The following POLI variants were observed in gnomAD, a reference collection of about 807,000 sequenced individuals.
POLI encodes RAD30 homolog B.
A neutral mutation model predicts 51.6 loss-of-function variants in POLI; 58 were observed. The observed-to-expected ratio is 1.12, with a 90% CI of 0.91 to 1.40. The LOEUF (loss-of-function observed/expected upper bound fraction) is 1.40. Among genes scored for constraint, POLI ranks in the 40% most tolerant of loss-of-function variants. The pLI is 0.00. For synonymous variants in POLI, 322 were observed against 299.7 expected (o/e 1.07, Z -0.77); for missense variants, 921 against 871.3 (o/e 1.06, Z -0.72).
In POLI at chr18:54,297,882, T is replaced by C; in HGVS notation, c.*3415T>C. On this transcript the variant is annotated 3_prime_UTR_variant, in exon 10 of 10. Coordinates refer to ENST00000579534, the MANE Select transcript of POLI (RefSeq NM_007195.3). ...GGACATGGTGGGGGCTTACCTTTTT[T>C]CTTGTGTGTCAGATGTTCCTTCTAG... The C allele has an allele frequency of 1.0e-6, 1 of 982,600 alleles. No individual in the cohort carries two copies. The highest frequency in any genetic ancestry group is 1.2e-6 in the Non-Finnish European group (1 of 827,280). 60.9% of individuals were successfully genotyped at this position (982,600 alleles called of 1,614,324 possible).
At chr18:54,305,555 C>T (rs1261923201) in intron 3 of POLI, among the ~76,000 whole-genome samples, 1 of 118,220 alleles carries the variant, frequency 8.5e-6, no homozygotes, top group Non-Finnish European at 2.0e-5. Context: ...ATTTGACTCT[C>T]TGTTTGTCTG....
chr18:54,269,623 T>G lies in POLI; in HGVS notation c.77T>G (p.Met26Arg), dbSNP rs760519303. 75 of 1,510,104 alleles carry G rather than the reference T, an allele frequency of 5.0e-5. No homozygotes were observed. The highest frequency in any genetic ancestry group is 6.6e-5 in the Non-Finnish European group (75 of 1,131,958). 93.5% of individuals were successfully genotyped at this position (1,510,104 alleles called of 1,614,324 possible). The change falls in exon 1 of 10, where the codon ATG becomes AGG. Residue 26 changes from methionine (M) to arginine (R), a missense_variant. Coordinates refer to ENST00000579534, the MANE Select transcript of POLI (RefSeq NM_007195.3). ...DDEEDAEAWA[M>R]ELADVGAAAS... ...GAGGAAGACGCCGAGGCCTGGGCCA[T>G]GGAACTGGCGGACGTGGGGGCGGCA...
In POLI at chr18:54,271,461, C is replaced by A. The variant is rs2086998611; in HGVS notation, c.217C>A (p.Pro73Thr). ...FYAQVEMISN[P>T]ELKDKPLGVQ... Reference sequence around the variant, plus strand: ...TGCACAAGTAGAAATGATCTCAAATCCAGAGCTAAAAGACAAACCTTTAGG... The same window carrying A: ...TGCACAAGTAGAAATGATCTCAAATACAGAGCTAAAAGACAAACCTTTAGG... The change falls in exon 2 of 10, where the codon CCA becomes ACA. Residue 73 changes from proline (P) to threonine (T), a missense_variant. Coordinates refer to ENST00000579534, the MANE Select transcript of POLI (RefSeq NM_007195.3). 1.2e-6 allele frequency: 2 copies of A among 1,605,672 alleles called. No individual in the cohort carries two copies. Among genetic ancestry groups the A allele is most frequent in the Non-Finnish European group, 1.7e-6 (2 of 1,173,846 alleles).
rs113718677 is a variant in POLI at position 54,289,684 on chromosome 18, A to G, written c.1199-2149A>G. Among the ~76,000 whole-genome samples the G allele has an allele frequency of 7.5e-3, 1,140 of 151,090 alleles. 14 individuals carry two copies. The highest frequency in any genetic ancestry group is 0.026 in the African/African-American group (1,083 of 41,118). On this transcript the variant is annotated intron_variant, in intron 8 of 9. Coordinates refer to ENST00000579534, the MANE Select transcript of POLI (RefSeq NM_007195.3). ...TCAGAAATAACACCACACATCTACA[A>G]CCATCTGATCTTTGACAGACCTGAC...
At chr18:54,304,636 A>G (rs1300993838) in intron 3 of POLI, among the ~76,000 whole-genome samples, 1 of 152,068 alleles carries the variant, frequency 6.6e-6, no homozygotes, top group African/African-American at 2.4e-5. Context: ...AATTTGTTTA[A>G]CTTCTTTGTA....
At chr18:54,307,688 A>G (rs1410410322) in intron 3 of POLI, among the ~76,000 whole-genome samples, 3 of 152,150 alleles carry the variant, frequency 2.0e-5, no homozygotes, top group Non-Finnish European at 4.4e-5. Context: ...GTGGGGTGTT[A>G]AAGTCTCCCA....
intron 2 of POLI, 88 bp downstream of exon 2, chr18:54,271,573 T>C (rs1022248127): frequency 1.0e-6 from 1 of 960,980 alleles, no homozygotes; most frequent in Non-Finnish European, 1.5e-6. Flanking sequence ...ATTAACCTTA[T>C]TAAGAAAGAT....
chr18:54,311,224 C>G (rs1019557341), intron 3 of POLI: 7 of 368,184 alleles, frequency 1.9e-5, no homozygotes, highest in Non-Finnish European at 7.5e-6. Context: ...GCTGTTGCCT[C>G]TGTTGTTGAT....
chr18:54,296,114 T>A lies in POLI; in HGVS notation c.*1647T>A. The A allele has an allele frequency of 5.1e-6, 5 of 982,242 alleles. No individual in the cohort carries two copies. The highest frequency in any genetic ancestry group is 6.0e-6 in the Non-Finnish European group (5 of 827,092). 60.8% of individuals were successfully genotyped at this position (982,242 alleles called of 1,614,324 possible). On this transcript the variant is annotated 3_prime_UTR_variant, in exon 10 of 10. Transcript: ENST00000579534. Reference sequence around the variant, plus strand: ...AACATAGTATTTTTTACATGAGTATTCCAGTAAGGTAATTAAACTTATGAA... The same window carrying A: ...AACATAGTATTTTTTACATGAGTATACCAGTAAGGTAATTAAACTTATGAA...
chr18:54,287,336 T>TC lies in POLI; in HGVS notation c.1125dup (p.Ser376LeufsTer2). On this transcript the variant is annotated frameshift_variant, in exon 8 of 10. Coordinates refer to ENST00000579534, the MANE Select transcript of POLI (RefSeq NM_007195.3). LOFTEE classifies it high-confidence loss of function. ...AGTGAGATTAATAATCCGTCGGTAT[T>TC]CCTCTGAGAAGCACTATGGTCGTGA... is the stretch of plus-strand genomic sequence containing the variant. 2 of 1,593,150 alleles carry TC rather than the reference T, an allele frequency of 1.3e-6. No individual in the cohort carries two copies. The highest frequency in any genetic ancestry group is 3.4e-5 in the Admixed American group (2 of 58,398).
At chr18:54,284,041 A>C (rs764854840) in intron 7 of POLI, 28 bp downstream of exon 7, 1 of 859,048 alleles carries the variant, frequency 1.2e-6, no homozygotes, top group Admixed American at 2.3e-5. Flanking sequence ...TTGCCAAGTC[A>C]TCCTATGTAT....
chr18:54,310,629 G>A lies in POLI; in HGVS notation c.334-9644G>A, dbSNP rs186836096. 3.9e-5 allele frequency among the ~76,000 whole-genome samples: 6 copies of A among 152,046 alleles called. 1 individual carries two copies. Among genetic ancestry groups the A allele is most frequent in the African/African-American group, 1.2e-4 (5 of 41,490 alleles). On this transcript the variant is annotated intron_variant, in intron 3 of 4. Transcript: ENST00000579823. ...GTTCTCACAATTTGGTGATATTTGG[G>A]TGTCCGCCCTTTCTTTTCTAAGTTG...
intron 8 of POLI, among the ~76,000 whole-genome samples, chr18:54,289,637 A>C (rs623602): frequency 0.16 from 19,462 of 122,482 alleles, 2,102 homozygotes; most frequent in Non-Finnish European, 0.19. Context: ...GAGATACAGA[A>C]CAATGGAACA....
downstream of POLI, among the ~76,000 whole-genome samples, chr18:54,300,139 A>C (rs2088467356): frequency 6.6e-6 from 1 of 152,194 alleles, no homozygotes; most frequent in Non-Finnish European, 1.5e-5. Flanking sequence ...TACACACAGA[A>C]ATGAGGAGCA....
chr18:54,273,825 C>A, intron 2 of POLI, 101 bp from the exon 3 acceptor site: 1 of 614,812 alleles, frequency 1.6e-6, no homozygotes, highest in Non-Finnish European at 2.5e-6. Flanking sequence ...CTTATCAAAA[C>A]TGATTGTCTT....
At chr18:54,271,221 G>T in intron 1 of POLI, 139 bp from the exon 2 acceptor site, 2 of 617,796 alleles carry the variant, frequency 3.2e-6, no homozygotes, top group East Asian at 3.0e-5. Flanking sequence ...GTAATTTTTC[G>T]ATGCTTTCAC....
chr18:54,295,269 A>C lies in POLI; in HGVS notation c.*802A>C. 1.0e-6 allele frequency: 1 copy of C among 984,640 alleles called. No individual in the cohort carries two copies. 61.0% of individuals were successfully genotyped at this position (984,640 alleles called of 1,614,324 possible). On this transcript the variant is annotated 3_prime_UTR_variant, in exon 10 of 10. Transcript: ENST00000579534. ...GTTTGAAGGGCCTAAAAGCACTGAG[A>C]TGTTTTTGTATCTTCCCTACATTTG...
chr18:54,269,792 T>A, intron 1 of POLI, 131 bp downstream of exon 1: 1 of 1,375,796 alleles, frequency 7.3e-7, no homozygotes, highest in Non-Finnish European at 9.3e-7. Context: ...AAGAGAGGGC[T>A]GCCTCCCTCT....
At chr18:54,288,980 A>G (rs905378262) in intron 8 of POLI, among the ~76,000 whole-genome samples, 6 of 152,118 alleles carry the variant, frequency 3.9e-5, no homozygotes, top group African/African-American at 7.2e-5. Flanking sequence ...CCTCCCAAAT[A>G]TGTATCACAC....
Sources: allele counts gnomAD v4.1 joint callset (sites outside exome capture counted in the v4.1 genomes callset), GRCh38; gene constraint gnomAD v4.1.1; transcripts MANE v1.5; gene names NCBI Gene and HGNC (gene_info 2026-07-23, HGNC 2026-07-21).